The following GCSAML variants were observed in gnomAD, a reference collection of about 807,000 sequenced individuals.
GCSAML encodes germinal center-associated signaling and motility-like protein.
In GCSAML, 9 loss-of-function variants were observed where a neutral mutation model predicts 13.0. The ratio of observed to expected loss-of-function variants is 0.69; its 90% CI spans 0.42 to 1.21. The LOEUF (loss-of-function observed/expected upper bound fraction) is 1.21. Ranked by LOEUF, GCSAML falls within the 50% of genes most tolerant of loss-of-function variation. GCSAML has a pLI of 0.00. For synonymous variants in GCSAML, 37 were observed against 52.9 expected (o/e 0.70, Z 1.31); for missense variants, 143 against 153.4 (o/e 0.93, Z 0.36).
intron 2 of GCSAML, among the ~76,000 whole-genome samples, chr1:247,541,431 A>C (rs2103022156): frequency 6.6e-6 from 1 of 152,276 alleles, no homozygotes; most frequent in East Asian, 1.9e-4. Flanking sequence ...TATTTTCCGC[A>C]CGGTCTCATC....
intron 1 of GCSAML, among the ~76,000 whole-genome samples, chr1:247,515,696 T>C (rs1004206197): frequency 6.6e-6 from 1 of 152,160 alleles, no homozygotes; most frequent in South Asian, 2.1e-4. Context: ...AGCAGGAGCC[T>C]GGGGAGGTGC....
In GCSAML at chr1:247,549,268, A is replaced by G. The variant is rs765049238; in HGVS notation, c.29+48A>G. 17 of 1,522,714 alleles carry G rather than the reference A, an allele frequency of 1.1e-5. No individual in the cohort carries two copies. In the South Asian group the frequency reaches 1.8e-4, roughly 16 times the overall value. The allele number at this position is 1,522,714 out of a possible 1,614,324, so 94.3% of individuals were successfully genotyped here. On this transcript the variant is annotated intron_variant, in intron 1 of 4. Transcript: ENST00000366488. ...GCCTTTCTTGGGAGAAAGAGAACAG[A>G]GATAAGGAGGCTGGACATAACGCAT...
chr1:247,516,850 CT>C (rs144300288), intron 1 of GCSAML, among the ~76,000 whole-genome samples: 9 of 151,942 alleles, frequency 5.9e-5, no homozygotes, highest in East Asian at 1.9e-4. Flanking sequence ...ACAGAAAATA[CT>C]TTTTTTTCAG....
At chr1:247,559,055 T>G (rs1572358708) in intron 2 of GCSAML, among the ~76,000 whole-genome samples, 1 of 152,346 alleles carries the variant, frequency 6.6e-6, no homozygotes, top group East Asian at 1.9e-4. Flanking sequence ...CAATTTTAGC[T>G]TGTGTTTATG....
At chr1:247,546,310 C>T (rs1667566905), upstream of GCSAML, among the ~76,000 whole-genome samples, 1 of 152,084 alleles carries the variant, frequency 6.6e-6, no homozygotes, top group Admixed American at 6.5e-5. Flanking sequence ...GTGGATGGGA[C>T]TACAGGCACA....
intron 2 of GCSAML, chr1:247,532,205 AGAACTG>A: frequency 6.2e-7 from 1 of 1,614,228 alleles, no homozygotes. Flanking sequence ...TGGGAGATAT[AGAACTG>A]GACCACACAC....
chr1:247,543,629 T>C (rs1192085539), intron 2 of GCSAML, among the ~76,000 whole-genome samples: 6 of 152,198 alleles, frequency 3.9e-5, no homozygotes, highest in East Asian at 1.9e-4. Context: ...TAGGGACTTA[T>C]ATGGAGTTAC....
chr1:247,514,673 C>T lies in GCSAML; in HGVS notation c.-263+7440C>T, dbSNP rs528917456. Among the ~76,000 whole-genome samples the T allele has an allele frequency of 1.1e-4, 16 of 152,296 alleles. No individual in the cohort carries two copies. The South Asian group carries it at 3.3e-3, about 32-fold the overall frequency. ...AAAGCGAGAGAGGAGGATCCAGTTTCATTCTACATGTGGCTTGCCAATTAT... is the reference window on the plus strand; with the variant it reads ...AAAGCGAGAGAGGAGGATCCAGTTTTATTCTACATGTGGCTTGCCAATTAT... On this transcript the variant is annotated intron_variant, in intron 1 of 5. Coordinates refer to the GCSAML transcript ENST00000366489.
At chr1:247,539,641 C>T (rs1420842424) in intron 2 of GCSAML, among the ~76,000 whole-genome samples, 4 of 152,152 alleles carry the variant, frequency 2.6e-5, no homozygotes, top group African/African-American at 9.7e-5. Flanking sequence ...AAGTCTGGGC[C>T]TAATCAGGGG....
In GCSAML at chr1:247,526,192, C is replaced by T. The variant is rs1226469842; in HGVS notation, c.-262-748C>T. 6.6e-6 allele frequency: 1 copy of T among 152,174 alleles called. No homozygotes were observed. 9.4% of individuals were successfully genotyped at this position (152,174 alleles called of 1,614,324 possible). On this transcript the variant is annotated intron_variant, in intron 1 of 5. Coordinates refer to the GCSAML transcript ENST00000366489. The surrounding 1 kb of genome is among the most constrained non-coding windows in gnomAD (Gnocchi z 4.8). ...AATTTATTTGCCAAGAAATCTTGAG[C>T]CTGCTATTCCCTGGGTTAGTTTCTG...
At position 247,577,629 on chromosome 1, in the gene GCSAML, T is replaced by C. The variant is rs922201411; in HGVS notation, c.*3247T>C. 1.3e-5 allele frequency: 2 copies of C among 152,212 alleles called. No homozygotes were observed. Among genetic ancestry groups the C allele is most frequent in the African/African-American group, 4.8e-5 (2 of 41,452 alleles). 9.4% of individuals were successfully genotyped at this position (152,212 alleles called of 1,614,324 possible). A position where few individuals can be genotyped will look rare whatever the true frequency, so the allele number is the denominator to read the frequency against. On this transcript the variant is annotated 3_prime_UTR_variant, in exon 5 of 5. Coordinates refer to ENST00000366488, the MANE Select transcript of GCSAML (RefSeq NM_145278.5). Reference sequence around the variant, plus strand: ...TAATCACTGATGGATATGTAGGATATTTAAGTTTTTGACATTATGAATAAA... The same window carrying C: ...TAATCACTGATGGATATGTAGGATACTTAAGTTTTTGACATTATGAATAAA...
At chr1:247,566,088 T>G (rs1182788002) in intron 4 of GCSAML, 129 bp downstream of exon 4, 1 of 602,336 alleles carries the variant, frequency 1.7e-6, no homozygotes, top group Non-Finnish European at 2.8e-6. Context: ...AATTTCTAAA[T>G]GTACTTTTAG....
At chr1:247,520,431 C>T (rs542139092) in intron 1 of GCSAML, among the ~76,000 whole-genome samples, 52 of 152,248 alleles carry the variant, frequency 3.4e-4, no homozygotes, top group African/African-American at 1.1e-3. Context: ...GTAACATCAA[C>T]TTTTCTCAGA....
chr1:247,528,063 G>A (rs916179850), intron 2 of GCSAML: 4 of 151,608 alleles, frequency 2.6e-5, no homozygotes, highest in Non-Finnish European at 4.4e-5. Flanking sequence ...CTGTTTCTTC[G>A]GTCTTTGGGT....
At chr1:247,554,979 T>C (rs1331147502) in intron 1 of GCSAML, among the ~76,000 whole-genome samples, 1 of 152,214 alleles carries the variant, frequency 6.6e-6, no homozygotes, top group East Asian at 1.9e-4. Context: ...ATTAGTTGAT[T>C]TATTAATTTG....
intron 2 of GCSAML, among the ~76,000 whole-genome samples, chr1:247,561,981 C>T (rs1186207545): frequency 1.3e-5 from 2 of 152,120 alleles, no homozygotes; most frequent in Non-Finnish European, 2.9e-5. Context: ...ATCCCTCAGG[C>T]TTAAGACCTG....
intron 2 of GCSAML, chr1:247,531,961 A>C: frequency 6.2e-7 from 1 of 1,614,114 alleles, no homozygotes; most frequent in Non-Finnish European, 8.5e-7. Flanking sequence ...TTGCATAATG[A>C]GGGGCATCTC....
chr1:247,575,057 C>G lies in GCSAML; in HGVS notation c.*675C>G, dbSNP rs528538778. The G allele has an allele frequency of 6.6e-6, 1 of 152,494 alleles. No homozygotes were observed. Among genetic ancestry groups the G allele is most frequent in the African/African-American group, 2.4e-5 (1 of 41,572 alleles). 9.4% of individuals were successfully genotyped at this position (152,494 alleles called of 1,614,324 possible). A position where few individuals can be genotyped will look rare whatever the true frequency, so the allele number is the denominator to read the frequency against. ...AAAGCTTAACTCTTTCAACCAATTG[C>G]CAATCAGACAAACTTTGAATCTACC... On this transcript the variant is annotated 3_prime_UTR_variant, in exon 5 of 5. Transcript: ENST00000366488.
intron 2 of GCSAML, chr1:247,530,851 G>A (rs1666911398): frequency 1.1e-5 from 1 of 87,518 alleles, no homozygotes; most frequent in African/African-American, 3.9e-5. Flanking sequence ...ACGGCCTCCG[G>A]GCGCATTTGG....
Sources: gnomAD v4.1 joint callset for allele counts (sites outside exome capture counted in the v4.1 genomes callset) on GRCh38, gnomAD v4.1.1 for gene constraint, Gnocchi (gnomAD v3.1) non-coding constraint, MANE v1.5 for transcripts, NCBI Gene and HGNC (gene_info 2026-07-23, HGNC 2026-07-21) for gene names.